The following RNGTT variants were observed in gnomAD, a reference collection of about 807,000 sequenced individuals.
RNGTT encodes the protein mRNA-capping enzyme.
Under a neutral mutation model 79.3 loss-of-function variants are expected in RNGTT, and 33 were observed. The ratio of observed to expected loss-of-function variants is 0.42; its 90% confidence interval spans 0.32 to 0.56. The LOEUF is 0.56. Ranked by LOEUF, RNGTT falls within the 20% of genes least tolerant of loss-of-function variation. The probability of loss-of-function intolerance (pLI) is 0.17; values close to 1 mark genes in which losing one functional copy is unlikely to be tolerated. For synonymous variants in RNGTT, 222 were observed against 235.9 expected, an observed-to-expected ratio of 0.94 and a Z score of 0.54; for missense variants, 497 against 739.1, an observed-to-expected ratio of 0.67 and a Z score of 3.80.
intron 14 of RNGTT, among the ~76,000 whole-genome samples, chr6:88,640,659 T>C (rs547539333): frequency 1.8e-4 from 28 of 151,854 alleles, no homozygotes; most frequent in African/African-American, 6.5e-4. Context: ...GATTCAAAAC[T>C]GAGGTTTTAA....
In RNGTT at chr6:88,915,085, C is replaced by T. The variant is rs1173922395; in HGVS notation, c.368-8645G>A. On this transcript the variant is annotated intron_variant, in intron 4 of 15. Coordinates refer to ENST00000369485, the MANE Select transcript of RNGTT (RefSeq NM_003800.5). ...CAATGAGATACCATCTCATACCAGTCAGAATGGTTATTACTAAAAAGTCAA... is the reference window on the plus strand; with the variant it reads ...CAATGAGATACCATCTCATACCAGTTAGAATGGTTATTACTAAAAAGTCAA... Among the ~76,000 whole-genome samples, 3 of 152,190 alleles carry T rather than the reference C, an allele frequency of 2.0e-5. No individual in the cohort carries two copies. The East Asian group carries it at 5.8e-4, about 29-fold the overall frequency.
chr6:88,612,515 G>C lies in RNGTT; in HGVS notation c.*204C>G. 7.7e-6 allele frequency: 4 copies of C among 517,122 alleles called. No homozygotes were observed. In the South Asian group the frequency reaches 1.1e-4, roughly 14 times the overall value. 32.0% of individuals were successfully genotyped at this position (517,122 alleles called of 1,614,324 possible). A position where few individuals can be genotyped will look rare whatever the true frequency, so the allele number is the denominator to read the frequency against. ...TTTATCAGATAAATAAGATGTTTAA[G>C]TCCACGATGTATTGCAGCACTGAGG... On this transcript the variant is annotated 3_prime_UTR_variant, in exon 16 of 16. Transcript: ENST00000369485.
intron 12 of RNGTT, among the ~76,000 whole-genome samples, chr6:88,794,503 A>C (rs2127858003): frequency 6.6e-6 from 1 of 152,344 alleles, no homozygotes; most frequent in South Asian, 2.1e-4. Flanking sequence ...TCTAAGACAT[A>C]CTGGGCTAAA....
intron 13 of RNGTT, among the ~76,000 whole-genome samples, chr6:88,698,291 CATATATATATGAA>C (rs1443361967): frequency 2.1e-4 from 19 of 89,654 alleles, no homozygotes; most frequent in South Asian, 1.3e-3. Flanking sequence ...TCATATATAT[CATATATATATGAA>C]ATATATATAT....
intron 1 of RNGTT, among the ~76,000 whole-genome samples, chr6:88,950,418 A>G (rs989200222): frequency 2.0e-5 from 3 of 152,230 alleles, no homozygotes; most frequent in African/African-American, 7.2e-5. Context: ...AATACATTTC[A>G]TAAGGTTATA....
chr6:88,886,222 C>T (rs183822247), intron 8 of RNGTT, among the ~76,000 whole-genome samples: 2 of 152,214 alleles, frequency 1.3e-5, no homozygotes, highest in East Asian at 1.9e-4. Flanking sequence ...AGGAGAATGG[C>T]GTGAACCCAG....
chr6:88,904,175 T>G (rs1039821903), intron 6 of RNGTT, among the ~76,000 whole-genome samples: 4 of 152,208 alleles, frequency 2.6e-5, no homozygotes, highest in African/African-American at 9.7e-5. Flanking sequence ...TATCTAAAAG[T>G]TCTTTTAGAT....
intron 13 of RNGTT, among the ~76,000 whole-genome samples, chr6:88,695,100 G>A (rs1775615572): frequency 6.6e-6 from 1 of 152,038 alleles, no homozygotes; most frequent in African/African-American, 2.4e-5. Context: ...CATAACATTG[G>A]TCTGGGCAAT....
At chr6:88,801,005 C>T (rs1369096939) in intron 12 of RNGTT, among the ~76,000 whole-genome samples, 5 of 152,146 alleles carry the variant, frequency 3.3e-5, no homozygotes, top group African/African-American at 1.2e-4. Flanking sequence ...ATGAGAAAAC[C>T]TGCTATAGAG....
At position 88,611,066 on chromosome 6, in the gene RNGTT, A is replaced by C. The variant is rs116543030; in HGVS notation, c.*1653T>G. On this transcript the variant is annotated 3_prime_UTR_variant, in exon 16 of 16. Transcript: ENST00000369485. ...CTTTAGCGCCCAAATGTGCAAAAAC[A>C]CTCTAGTAAAAAACGTTACAATGGC... 146 of 152,248 alleles carry C rather than the reference A, an allele frequency of 9.6e-4. 2 individuals are homozygous for C. The highest frequency in any genetic ancestry group is 3.3e-3 in the African/African-American group (139 of 41,560). The allele number at this position is 152,248 out of a possible 1,614,324, so 9.4% of individuals were successfully genotyped here. A position where few individuals can be genotyped will look rare whatever the true frequency, so the allele number is the denominator to read the frequency against.
At chr6:88,628,072 A>C (rs573561246) in intron 14 of RNGTT, among the ~76,000 whole-genome samples, 36 of 152,286 alleles carry the variant, frequency 2.4e-4, no homozygotes, top group Non-Finnish European at 4.9e-4. Context: ...GCATTACGTA[A>C]GTACAGAGTG....
chr6:88,695,314 A>G (rs183849489), intron 13 of RNGTT, among the ~76,000 whole-genome samples: 1 of 152,306 alleles, frequency 6.6e-6, no homozygotes, highest in African/African-American at 2.4e-5. Context: ...AAAACTCAAA[A>G]GCAAGAAAAC....
At chr6:88,803,975 C>T (rs1055654983) in intron 11 of RNGTT, among the ~76,000 whole-genome samples, 1 of 152,114 alleles carries the variant, frequency 6.6e-6, no homozygotes, top group Non-Finnish European at 1.5e-5. Context: ...AGTTCCTCTG[C>T]ATTACTCTAG....
At chr6:88,955,978 T>C (rs1427060662) in intron 1 of RNGTT, among the ~76,000 whole-genome samples, 1 of 147,488 alleles carries the variant, frequency 6.8e-6, no homozygotes, top group African/African-American at 2.5e-5. Context: ...GAGGCAGAGG[T>C]TGCAGTGAGC....
chr6:88,799,960 C>G (rs1779730294), intron 12 of RNGTT, among the ~76,000 whole-genome samples: 1 of 152,056 alleles, frequency 6.6e-6, no homozygotes, highest in Non-Finnish European at 1.5e-5. Flanking sequence ...TTTAATTTTC[C>G]TAAAATAGTA....
chr6:88,842,883 G>C (rs985070400), intron 11 of RNGTT, among the ~76,000 whole-genome samples: 2 of 151,968 alleles, frequency 1.3e-5, no homozygotes, highest in African/African-American at 4.8e-5. Context: ...ACCAGCCTAG[G>C]CAACACAGGG....
At chr6:88,921,767 T>G (rs1784171889) in intron 4 of RNGTT, among the ~76,000 whole-genome samples, 1 of 151,970 alleles carries the variant, frequency 6.6e-6, no homozygotes, top group African/African-American at 2.4e-5. Context: ...ATATCTGTAT[T>G]AAAAATATTT....
intron 4 of RNGTT, among the ~76,000 whole-genome samples, chr6:88,915,107 T>C (rs1783955869): frequency 6.6e-6 from 1 of 151,930 alleles, no homozygotes; most frequent in South Asian, 2.1e-4. Context: ...TACTAAAAAG[T>C]CAAAGAATAA....
chr6:88,906,515 G>T, intron 4 of RNGTT, 75 bp from the exon 5 acceptor site: 1 of 777,712 alleles, frequency 1.3e-6, no homozygotes, highest in Non-Finnish European at 2.0e-6. Context: ...ATTCCAACCT[G>T]CAATCAAAAC....
Sources: allele counts gnomAD v4.1 joint callset (sites outside exome capture counted in the v4.1 genomes callset), GRCh38; gene constraint gnomAD v4.1.1; transcripts MANE v1.5; gene names NCBI Gene and HGNC (gene_info 2026-07-23, HGNC 2026-07-21).